LRIF1: variants seen among roughly 807,000 people sequenced by gnomAD.
LRIF1 encodes the protein ligand-dependent nuclear receptor-interacting factor 1.
A neutral mutation model predicts 52.7 loss-of-function variants in LRIF1; 32 were observed. The observed-to-expected ratio is 0.61, with a 90% confidence interval of 0.46 to 0.82. The LOEUF (loss-of-function observed/expected upper bound fraction) is 0.82, where lower values mean the gene tolerates loss of function less well. Among genes scored for constraint, LRIF1 ranks in the 40% least tolerant of loss-of-function variants. The pLI, the probability that LRIF1 is intolerant of heterozygous loss-of-function variation, is 0.00. For missense variants in LRIF1, 887 were observed against 892.0 expected, an observed-to-expected ratio of 0.99 and a Z score of 0.07; for synonymous variants, 323 against 317.4, an observed-to-expected ratio of 1.02 and a Z score of -0.19.
chr1:110,949,180 C>T (rs1168386448), intron 3 of LRIF1, among the ~76,000 whole-genome samples: 2 of 151,726 alleles, frequency 1.3e-5, no homozygotes, highest in Non-Finnish European at 2.9e-5. Context: ...TGCAGTGGTG[C>T]GATCTCAGCT....
rs369628997 is a variant in LRIF1 at position 110,952,252 on chromosome 1, G to C, written c.632C>G (p.Ala211Gly). The C allele has an allele frequency of 5.5e-5, 89 of 1,614,092 alleles. No homozygotes were observed. The highest frequency in any genetic ancestry group is 2.0e-4 in the East Asian group (9 of 44,902). Reference protein sequence around the residue: ...LPPSVQQKILATATTSTSGMV... With the variant: ...LPPSVQQKILGTATTSTSGMV... Reference sequence around the variant, plus strand: ...TCCTGAGGTACTGGTGGTGGCAGTTGCAAGTATCTTTTGCTGCACTGAAGG... The same window carrying C: ...TCCTGAGGTACTGGTGGTGGCAGTTCCAAGTATCTTTTGCTGCACTGAAGG... Residue 211 changes from alanine to glycine, a missense_variant, in exon 2 of 4, where the codon GCA becomes GGA. Ala to Gly is a moderately conservative substitution (Grantham distance 60, BLOSUM62 0). Transcript: ENST00000369763.
chr1:110,926,044 A>C, the LRIF1 span, among the ~76,000 whole-genome samples: 1 of 152,128 alleles, frequency 6.6e-6, no homozygotes, highest in African/African-American at 2.4e-5. Flanking sequence ...AATATGATGG[A>C]TGGAAAAGAT....
intron 1 of LRIF1, among the ~76,000 whole-genome samples, chr1:110,955,112 C>T (rs1305559150): frequency 6.6e-6 from 1 of 152,168 alleles, no homozygotes; most frequent in Admixed American, 6.5e-5. Context: ...TTCAACATGG[C>T]CAGCAGATCT....
At chr1:110,955,270 T>C (rs1481531204) in intron 1 of LRIF1, among the ~76,000 whole-genome samples, 1 of 152,236 alleles carries the variant, frequency 6.6e-6, no homozygotes, top group Non-Finnish European at 1.5e-5. Context: ...CCTGTTGATA[T>C]TGTCTCCTAA....
chr1:110,939,038 A>T, the LRIF1 span: 1 of 152,168 alleles, frequency 6.6e-6, no homozygotes, highest in South Asian at 2.1e-4. Flanking sequence ...TGATGAAAGA[A>T]ATTGAAGAGA....
At chr1:110,931,794 T>A in the LRIF1 span, among the ~76,000 whole-genome samples, 1 of 152,244 alleles carries the variant, frequency 6.6e-6, no homozygotes, top group Non-Finnish European at 1.5e-5. Flanking sequence ...TTTTGAGATG[T>A]GTCTGTTCAT....
chr1:110,948,389 T>C lies in LRIF1; in HGVS notation c.1880A>G (p.Asp627Gly), dbSNP rs749448676. The C allele has an allele frequency of 9.3e-6, 15 of 1,609,304 alleles. No homozygotes were observed. Among genetic ancestry groups the C allele is most frequent in the Non-Finnish European group, 1.3e-5 (15 of 1,177,544 alleles). ...ATTAGTTTTTGCTTTTCTTTTCTTA[T>C]CAAAATTCTGCTGCAATATTGAATA... is the stretch of plus-strand genomic sequence containing the variant. ...KEGERKQQNF[D>G]KKRKAKTNKK... The change falls in exon 4 of 4, where the codon GAT becomes GGT. Residue 627 changes from aspartate (D) to glycine (G), a missense_variant. By Grantham distance (94) the Asp-to-Gly change is moderately conservative. Transcript: ENST00000369763.
At chr1:110,961,882 T>C (rs1658965079) in intron 1 of LRIF1, among the ~76,000 whole-genome samples, 1 of 152,104 alleles carries the variant, frequency 6.6e-6, no homozygotes, top group Non-Finnish European at 1.5e-5. Flanking sequence ...AGTCATCTGG[T>C]AAATGTCCCA....
the LRIF1 span, among the ~76,000 whole-genome samples, chr1:110,916,829 T>A: frequency 6.6e-6 from 1 of 152,106 alleles, no homozygotes; most frequent in Admixed American, 6.5e-5. Flanking sequence ...ATAAAGAGGG[T>A]CACTTTATAA....
At chr1:110,916,920 A>G in the LRIF1 span, among the ~76,000 whole-genome samples, 3 of 152,240 alleles carry the variant, frequency 2.0e-5, no homozygotes, top group Non-Finnish European at 4.4e-5. Context: ...CAACTTGTCT[A>G]AACTAAATTA....
the LRIF1 span, among the ~76,000 whole-genome samples, chr1:110,881,386 C>T: frequency 1.3e-5 from 2 of 152,128 alleles, no homozygotes; most frequent in African/African-American, 4.8e-5. Context: ...CTCTTTCACT[C>T]ACCATGATTA....
chr1:110,922,865 A>G, the LRIF1 span, among the ~76,000 whole-genome samples: 1 of 152,206 alleles, frequency 6.6e-6, no homozygotes. Flanking sequence ...AGGCTATGGC[A>G]TTCCTTGGGT....
chr1:110,896,443 A>G, the LRIF1 span, among the ~76,000 whole-genome samples: 1 of 152,332 alleles, frequency 6.6e-6, no homozygotes, highest in East Asian at 1.9e-4. Flanking sequence ...GATTAAGCAC[A>G]GGGGTCTCTA....
the LRIF1 span, among the ~76,000 whole-genome samples, chr1:110,917,740 A>G: frequency 6.6e-6 from 1 of 151,514 alleles, no homozygotes. Flanking sequence ...TGTGCTATGG[A>G]AAAAAATTAG....
the LRIF1 span, among the ~76,000 whole-genome samples, chr1:110,896,005 A>G: frequency 6.6e-6 from 1 of 152,322 alleles, no homozygotes; most frequent in East Asian, 1.9e-4. Flanking sequence ...ATTTTAATTG[A>G]CTTGTTCAAA....
the LRIF1 span, among the ~76,000 whole-genome samples, chr1:110,884,468 A>C: frequency 6.6e-6 from 1 of 152,108 alleles, no homozygotes; most frequent in South Asian, 2.1e-4. Context: ...GTTCTATCAC[A>C]ATCAGTTAGT....
At chr1:110,949,428 T>C (rs1217665995) in intron 3 of LRIF1, among the ~76,000 whole-genome samples, 1 of 149,808 alleles carries the variant, frequency 6.7e-6, no homozygotes, top group Non-Finnish European at 1.5e-5. Flanking sequence ...TGGTTCTTTT[T>C]TTTTTTTTTG....
chr1:110,899,330 C>T, the LRIF1 span: 1 of 620,706 alleles, frequency 1.6e-6, no homozygotes, highest in Non-Finnish European at 2.8e-6. Flanking sequence ...CTGTCTTATA[C>T]AACCAGAGAA....
the LRIF1 span, among the ~76,000 whole-genome samples, chr1:110,920,781 G>A: frequency 1.3e-5 from 2 of 152,106 alleles, no homozygotes; most frequent in Non-Finnish European, 2.9e-5. Flanking sequence ...ACATGCGGTG[G>A]GGAAAAGGCA....
Sources: gnomAD v4.1 joint callset for allele counts (sites outside exome capture counted in the v4.1 genomes callset) on GRCh38, gnomAD v4.1.1 for gene constraint, MANE v1.5 for transcripts, NCBI Gene and HGNC (gene_info 2026-07-23, HGNC 2026-07-21) for gene names.